Variants in ERAP1 observed in about 807,000 individuals in gnomAD.
The protein encoded by ERAP1 is adipocyte-derived leucine aminopeptidase.
In ERAP1, 86 loss-of-function variants were observed where a neutral mutation model predicts 103.7. The observed-to-expected ratio is 0.83, with a 90% CI of 0.70 to 0.99. ERAP1 has a LOEUF of 0.99. Ranked by LOEUF, ERAP1 falls within the 50% of genes least tolerant of loss-of-function variation. The pLI is 0.00. For synonymous variants in ERAP1, 398 were observed against 402.4 expected (o/e 0.99, Z 0.13); for missense variants, 1,009 against 1,128.4 (o/e 0.89, Z 1.52).
the ERAP1 span, among the ~76,000 whole-genome samples, chr5:96,933,615 G>C: frequency 6.6e-6 from 1 of 152,004 alleles, no homozygotes; most frequent in Non-Finnish European, 1.5e-5. Context: ...CAAAACACAA[G>C]GTAACATGTT....
At chr5:96,850,913 A>G in the ERAP1 span, among the ~76,000 whole-genome samples, 1 of 152,044 alleles carries the variant, frequency 6.6e-6, no homozygotes, top group African/African-American at 2.4e-5. Context: ...GTCCAAAGAA[A>G]CCTCCCTTAC....
chr5:96,875,067 G>T, the ERAP1 span, among the ~76,000 whole-genome samples: 2 of 152,164 alleles, frequency 1.3e-5, no homozygotes, highest in Non-Finnish European at 2.9e-5. Flanking sequence ...GGGGAGGCAT[G>T]GTCGAGCAGT....
chr5:96,853,552 G>C, the ERAP1 span, among the ~76,000 whole-genome samples: 1 of 152,124 alleles, frequency 6.6e-6, no homozygotes, highest in Non-Finnish European at 1.5e-5. Context: ...GCAGCTCTTA[G>C]GTAAGAGGAC....
the ERAP1 span, chr5:96,910,015 C>T: frequency 3.0e-6 from 1 of 336,400 alleles, no homozygotes; most frequent in Non-Finnish European, 5.7e-6. Context: ...CCTATAATCC[C>T]AGCACTTTGG....
chr5:96,871,366 A>T, the ERAP1 span, among the ~76,000 whole-genome samples: 2 of 152,306 alleles, frequency 1.3e-5, no homozygotes, highest in Admixed American at 1.3e-4. Context: ...GGTTGTTTTA[A>T]GCAGGAGAAT....
the ERAP1 span, among the ~76,000 whole-genome samples, chr5:96,910,462 A>AG: frequency 6.6e-6 from 1 of 151,948 alleles, no homozygotes; most frequent in South Asian, 2.1e-4. Flanking sequence ...AGAAAAAAAA[A>AG]AACTTAAAAA....
chr5:96,930,945 C>T, the ERAP1 span, among the ~76,000 whole-genome samples: 5,773 of 152,154 alleles, frequency 0.038, 190 homozygotes, highest in Middle Eastern at 0.12. Flanking sequence ...AGGCAAAGTG[C>T]GGGAATTGAC....
chr5:96,773,560 A>G (rs1773219537), downstream of ERAP1: 1 of 152,154 alleles, frequency 6.6e-6, no homozygotes, highest in Non-Finnish European at 1.5e-5. Flanking sequence ...ATGGAACTTA[A>G]GTTTACCAAA....
chr5:96,789,592 TAAAAAGA>T (rs1292043046), intron 10 of ERAP1, among the ~76,000 whole-genome samples: 2 of 151,856 alleles, frequency 1.3e-5, no homozygotes, highest in Non-Finnish European at 2.9e-5. Context: ...AGTAAACATA[TAAAAAGA>T]AAAAAGAAAC....
At chr5:96,900,539 G>A in the ERAP1 span, among the ~76,000 whole-genome samples, 2 of 152,010 alleles carry the variant, frequency 1.3e-5, no homozygotes, top group Non-Finnish European at 2.9e-5. Flanking sequence ...TACAGTATAT[G>A]TTTTTCTTTT....
exon 20 of ERAP1, chr5:96,762,201 A>G (rs377524359): frequency 4.3e-5 from 37 of 851,864 alleles, no homozygotes; most frequent in African/African-American, 3.9e-4. Context: ...TTTAAGAGTT[A>G]TAGTTAAGTG....
In ERAP1 at chr5:96,775,325, G is replaced by T. The variant is rs982086033; in HGVS notation, c.*1071C>A. On this transcript the variant is annotated 3_prime_UTR_variant, in exon 19 of 19. Transcript: ENST00000443439. ...ATTTGCTAATATGAGCAAATATTTT[G>T]TTTCACAATGTACTATCATTTATTG... 30 of 985,386 alleles carry T rather than the reference G, an allele frequency of 3.0e-5. No individual in the cohort carries two copies. In the African/African-American group the frequency reaches 4.4e-4, roughly 14 times the overall value. 61.0% of individuals were successfully genotyped at this position (985,386 alleles called of 1,614,324 possible). A position where few individuals can be genotyped will look rare whatever the true frequency, so the allele number is the denominator to read the frequency against.
chr5:96,898,565 T>C, the ERAP1 span, among the ~76,000 whole-genome samples: 2,946 of 46,584 alleles, frequency 0.063, 46 homozygotes, highest in Middle Eastern at 0.21. Context: ...CCATCTCTAC[T>C]AAAATACAAA....
chr5:96,889,059 G>T, the ERAP1 span: 2 of 1,149,232 alleles, frequency 1.7e-6, no homozygotes, highest in Non-Finnish European at 1.2e-6. Flanking sequence ...TTGACAACAT[G>T]CTTAATGGTA....
At chr5:96,801,065 TG>T in intron 2 of ERAP1, 65 bp from the exon 3 acceptor site, 1 of 1,553,052 alleles carries the variant, frequency 6.4e-7, no homozygotes, top group Non-Finnish European at 8.8e-7. Flanking sequence ...AACAGGTGTT[TG>T]CTTTTTAATT....
At chr5:96,901,672 T>G in the ERAP1 span, 2 of 1,613,618 alleles carry the variant, frequency 1.2e-6, no homozygotes, top group Non-Finnish European at 1.7e-6. Flanking sequence ...TGGAGGGCCC[T>G]GCAGGAGAGG....
intron 19 of ERAP1, among the ~76,000 whole-genome samples, chr5:96,764,564 G>A (rs1019398738): frequency 1.1e-4 from 17 of 152,158 alleles, no homozygotes; most frequent in African/African-American, 3.1e-4. Flanking sequence ...CAGTGTGGCA[G>A]ACAAGCCCCT....
At chr5:96,785,705 C>A in intron 13 of ERAP1, 83 bp downstream of exon 13, 1 of 1,437,888 alleles carries the variant, frequency 7.0e-7, no homozygotes, top group Non-Finnish European at 9.7e-7. Flanking sequence ...ATCAATCAAT[C>A]ATTTTTGTCT....
the ERAP1 span, chr5:96,886,740 T>A: frequency 6.5e-7 from 1 of 1,539,262 alleles, no homozygotes; most frequent in Admixed American, 1.7e-5. Flanking sequence ...GTAGCCTACA[T>A]AGTTTGTGAT....
Sources: allele counts gnomAD v4.1 joint callset (sites outside exome capture counted in the v4.1 genomes callset), GRCh38; gene constraint gnomAD v4.1.1; transcripts MANE v1.5; gene names NCBI Gene and HGNC (gene_info 2026-07-23, HGNC 2026-07-21).